Variants in HDAC8 observed in about 807,000 individuals in gnomAD.
HDAC8 encodes histone deacetylase 8.
In HDAC8, 1 loss-of-function variant was observed where a neutral mutation model predicts 32.2. That is an observed-to-expected ratio of 0.03 (90% CI 0.01 to 0.15). The LOEUF (loss-of-function observed/expected upper bound fraction) is 0.15, where lower values mean the gene tolerates loss of function less well. Among genes scored for constraint, HDAC8 ranks in the 10% least tolerant of loss-of-function variants. The pLI is 1.00. For missense variants in HDAC8, 117 were observed against 300.0 expected, an observed-to-expected ratio of 0.39 and a Z score of 4.51; for synonymous variants, 108 against 113.9, an observed-to-expected ratio of 0.95 and a Z score of 0.33.
intron 4 of HDAC8, among the ~76,000 whole-genome samples, chrX:72,533,958 C>G (rs889537162): frequency 1.6e-4 from 18 of 110,783 alleles, no homozygotes; most frequent in African/African-American, 5.6e-4. Context: ...AAAGGATGCC[C>G]ACTTTCACCA....
At chrX:72,486,921 C>A (rs1404500351) in intron 7 of HDAC8, among the ~76,000 whole-genome samples, 1 of 111,500 alleles carries the variant, frequency 9.0e-6, no homozygotes, top group Admixed American at 9.5e-5. Context: ...GACTTGACTT[C>A]TGAAGGAAAG....
chrX:72,387,052 C>T (rs1310598104), intron 9 of HDAC8, among the ~76,000 whole-genome samples: 4 of 112,155 alleles, frequency 3.6e-5, no homozygotes, highest in East Asian at 2.8e-4. Context: ...GAAAACTCTA[C>T]TCTTCCTCAA....
chrX:72,432,741 C>T (rs1246098658), intron 9 of HDAC8, among the ~76,000 whole-genome samples: 1 of 110,727 alleles, frequency 9.0e-6, no homozygotes, highest in African/African-American at 3.3e-5. Flanking sequence ...TTATGTTTTG[C>T]GTGTTTTTTA....
intron 9 of HDAC8, among the ~76,000 whole-genome samples, chrX:72,372,635 T>TATG (rs781864727): frequency 1.3e-4 from 14 of 111,266 alleles, no homozygotes; most frequent in Non-Finnish European, 1.9e-4. Flanking sequence ...TTTTAAACTC[T>TATG]ATGATGATGA....
At chrX:72,367,656 A>C (rs781829851) in intron 9 of HDAC8, among the ~76,000 whole-genome samples, 1 of 112,582 alleles carries the variant, frequency 8.9e-6, no homozygotes, top group Non-Finnish European at 1.9e-5. Flanking sequence ...GAGTCCACAC[A>C]AGGATGATTT....
At chrX:72,512,412 TA>T (rs1431789636) in intron 4 of HDAC8, among the ~76,000 whole-genome samples, 2 of 111,693 alleles carry the variant, frequency 1.8e-5, no homozygotes, top group Non-Finnish European at 3.8e-5. Context: ...AATCAAGCTA[TA>T]AGACTAATAC....
chrX:72,532,552 C>G (rs2050384220), intron 4 of HDAC8, among the ~76,000 whole-genome samples: 1 of 103,430 alleles, frequency 9.7e-6, no homozygotes, highest in South Asian at 4.7e-4. Context: ...TTTATCATAG[C>G]ACGCTGTAAC....
At chrX:72,530,445 T>TG (rs1491468420) in intron 4 of HDAC8, among the ~76,000 whole-genome samples, 15 of 80,281 alleles carry the variant, frequency 1.9e-4, no homozygotes, top group African/African-American at 1.0e-3. Flanking sequence ...ATTTTATGCG[T>TG]TTTTTTTTTT....
At chrX:72,546,939 C>T (rs2050882166) in intron 4 of HDAC8, among the ~76,000 whole-genome samples, 1 of 111,539 alleles carries the variant, frequency 9.0e-6, no homozygotes, top group African/African-American at 3.3e-5. Context: ...ATTTCCCCTT[C>T]AGCTCCTAAA....
chrX:72,508,839 A>T (rs782556324), intron 4 of HDAC8, among the ~76,000 whole-genome samples: 100 of 112,389 alleles, frequency 8.9e-4, no homozygotes, highest in Non-Finnish European at 1.4e-3. Flanking sequence ...AATGTGAGAA[A>T]TAAATTTATT....
At chrX:72,351,990 C>G in intron 9 of HDAC8, 152 bp from the exon 10 acceptor site, 3 of 438,404 alleles carry the variant, frequency 6.8e-6, no homozygotes, top group Non-Finnish European at 1.2e-5. Context: ...GAAGCCCTGC[C>G]TTGGTGGTAT....
intron 9 of HDAC8, among the ~76,000 whole-genome samples, chrX:72,435,240 G>A (rs1443698739): frequency 8.9e-6 from 1 of 112,065 alleles, no homozygotes; most frequent in Admixed American, 9.5e-5. Context: ...TCACATTTAC[G>A]TGTATTTTGT....
intron 9 of HDAC8, among the ~76,000 whole-genome samples, chrX:72,390,482 G>A (rs1460286747): frequency 8.9e-6 from 1 of 112,143 alleles, no homozygotes; most frequent in African/African-American, 3.2e-5. Context: ...ACCCTATAGT[G>A]TATAGCTATT....
At chrX:72,390,166 T>C (rs1329877251) in intron 9 of HDAC8, among the ~76,000 whole-genome samples, 3 of 111,650 alleles carry the variant, frequency 2.7e-5, no homozygotes, top group African/African-American at 9.8e-5. Flanking sequence ...CATCATGTCT[T>C]TGTGTTATGA....
At chrX:72,552,841 G>A (rs1175807472) in intron 4 of HDAC8, among the ~76,000 whole-genome samples, 2 of 106,550 alleles carry the variant, frequency 1.9e-5, no homozygotes, top group East Asian at 5.9e-4. Flanking sequence ...ATATATATGT[G>A]TATCACATAC....
intron 10 of HDAC8, 131 bp downstream of exon 10, chrX:72,351,602 G>A (rs186172414): frequency 2.3e-5 from 11 of 468,552 alleles, no homozygotes; most frequent in African/African-American, 1.9e-4. Context: ...AGGCCAAGAA[G>A]AGGTTTCCTT....
intron 9 of HDAC8, among the ~76,000 whole-genome samples, chrX:72,386,964 G>A (rs1020651997): frequency 2.7e-5 from 3 of 112,032 alleles, no homozygotes; most frequent in Non-Finnish European, 3.8e-5. Context: ...TAGCCTGAGG[G>A]GCTCCACTCT....
At chrX:72,547,154 C>G in intron 4 of HDAC8, among the ~76,000 whole-genome samples, 1 of 111,358 alleles carries the variant, frequency 9.0e-6, no homozygotes, top group East Asian at 2.9e-4. Flanking sequence ...CTACAAAGTT[C>G]TCTGACCAAG....
chrX:72,459,147 G>A (rs947352102), intron 9 of HDAC8, among the ~76,000 whole-genome samples: 9 of 111,776 alleles, frequency 8.1e-5, no homozygotes, highest in African/African-American at 2.9e-4. Flanking sequence ...CTGGATGTGA[G>A]CACATTGTTC....
Sources: allele counts gnomAD v4.1 joint callset (sites outside exome capture counted in the v4.1 genomes callset), GRCh38; gene constraint gnomAD v4.1.1; transcripts MANE v1.5; gene names NCBI Gene and HGNC (gene_info 2026-07-23, HGNC 2026-07-21).